The following ZFAND3 variants were observed in gnomAD, a reference collection of about 807,000 sequenced individuals.
ZFAND3 encodes the protein AN1-type zinc finger protein 3.
A neutral mutation model predicts 29.6 loss-of-function variants in ZFAND3; 10 were observed. The observed-to-expected ratio is 0.34, with a 90% CI of 0.21 to 0.57. The LOEUF is 0.57. Among genes scored for constraint, ZFAND3 ranks in the 20% least tolerant of loss-of-function variants. The pLI, the probability that ZFAND3 is intolerant of heterozygous loss-of-function variation, is 0.86. For missense variants in ZFAND3, 230 were observed against 304.5 expected (o/e 0.76, Z 1.82); for synonymous variants, 128 against 112.6 (o/e 1.14, Z -0.87).
chr6:38,041,323 A>G (rs1383961169), intron 2 of ZFAND3, among the ~76,000 whole-genome samples: 1 of 152,086 alleles, frequency 6.6e-6, no homozygotes, highest in Non-Finnish European at 1.5e-5. Context: ...GACTATATAA[A>G]TGTCCTTTTC....
At chr6:37,977,828 T>TTTTCTTCCTTTC (rs70981515) in intron 2 of ZFAND3, among the ~76,000 whole-genome samples, 1 of 76,420 alleles carries the variant, frequency 1.3e-5, no homozygotes. Context: ...GTAAAATGCT[T>TTTTCTTCCTTTC]TTCCTTCCTT....
chr6:37,825,531 T>A (rs911054307), intron 1 of ZFAND3, among the ~76,000 whole-genome samples: 3 of 152,140 alleles, frequency 2.0e-5, no homozygotes, highest in Non-Finnish European at 4.4e-5. Context: ...TTTTTTTTTT[T>A]AATTTAAAGA....
rs770688825 is a variant in ZFAND3, at chr6:38,003,869, A to G, written c.113-57724A>G. ...CCTTCTGCCTTCAGGGAACCCCTCA[A>G]TCACTGCTTATTACTGTGAGTTTGC... On this transcript the variant is annotated intron_variant, in intron 2 of 5. Coordinates refer to ENST00000287218, the MANE Select transcript of ZFAND3 (RefSeq NM_021943.3). The G allele has an allele frequency of 2.4e-4, 104 of 433,710 alleles. 1 individual carries two copies. Among genetic ancestry groups the G allele is most frequent in the Non-Finnish European group, 4.2e-4 (91 of 216,624 alleles). 26.9% of individuals were successfully genotyped at this position (433,710 alleles called of 1,614,324 possible).
chr6:38,071,127 GAA>G (rs1338241326), intron 3 of ZFAND3, among the ~76,000 whole-genome samples: 4 of 151,170 alleles, frequency 2.6e-5, no homozygotes, highest in African/African-American at 9.7e-5. Context: ...TGTAAAAAAA[GAA>G]TTCTAGATAA....
chr6:38,075,916 T>C (rs1217896261), intron 3 of ZFAND3, among the ~76,000 whole-genome samples: 1 of 152,140 alleles, frequency 6.6e-6, no homozygotes, highest in African/African-American at 2.4e-5. Context: ...CACACCCAAC[T>C]AATTTTTTTG....
intron 3 of ZFAND3, among the ~76,000 whole-genome samples, chr6:38,080,174 G>A (rs1392822130): frequency 2.0e-5 from 3 of 151,962 alleles, no homozygotes; most frequent in Non-Finnish European, 4.4e-5. Flanking sequence ...GGGTCTAGGG[G>A]AGGGATAGCA....
chr6:38,133,968 A>G (rs1765792939), intron 5 of ZFAND3, among the ~76,000 whole-genome samples: 1 of 152,164 alleles, frequency 6.6e-6, no homozygotes, highest in African/African-American at 2.4e-5. Flanking sequence ...CCATATTTTC[A>G]ACCATACAGA....
chr6:38,070,000 G>A (rs1195183922), intron 3 of ZFAND3, among the ~76,000 whole-genome samples: 1 of 152,144 alleles, frequency 6.6e-6, no homozygotes, highest in Non-Finnish European at 1.5e-5. Flanking sequence ...AGATAGAATA[G>A]AACATGAAAA....
At chr6:38,112,297 AAG>A (rs1311032761) in intron 4 of ZFAND3, among the ~76,000 whole-genome samples, 2 of 152,188 alleles carry the variant, frequency 1.3e-5, no homozygotes, top group Non-Finnish European at 2.9e-5. Flanking sequence ...ACTGGAAAAA[AAG>A]AATCTGCTTT....
chr6:38,124,146 T>C (rs1009805594), intron 5 of ZFAND3, among the ~76,000 whole-genome samples: 3 of 152,198 alleles, frequency 2.0e-5, no homozygotes, highest in African/African-American at 7.2e-5. Context: ...AGAGTGCTGA[T>C]TGGTGTATTT....
intron 2 of ZFAND3, among the ~76,000 whole-genome samples, chr6:37,951,451 C>T (rs988696803): frequency 6.6e-6 from 1 of 152,032 alleles, no homozygotes; most frequent in African/African-American, 2.4e-5. Context: ...AAAATTTAGC[C>T]AGGCATAGTG....
intron 1 of ZFAND3, among the ~76,000 whole-genome samples, chr6:37,911,147 GA>G (rs1765513609): frequency 6.6e-6 from 1 of 152,120 alleles, no homozygotes; most frequent in African/African-American, 2.4e-5. Flanking sequence ...TAATTCCAAT[GA>G]GTAGTATACA....
At chr6:37,861,406 C>T (rs193027669) in intron 1 of ZFAND3, among the ~76,000 whole-genome samples, 37 of 151,814 alleles carry the variant, frequency 2.4e-4, no homozygotes, top group Non-Finnish European at 4.0e-4. Flanking sequence ...TAGACAGGAG[C>T]GGGGAGGAAA....
intron 2 of ZFAND3, among the ~76,000 whole-genome samples, chr6:37,950,900 A>G (rs1337044877): frequency 1.3e-5 from 2 of 152,278 alleles, no homozygotes; most frequent in South Asian, 2.1e-4. Context: ...TTCTAATTCT[A>G]TGAAAAATGT....
intron 1 of ZFAND3, among the ~76,000 whole-genome samples, chr6:37,862,078 T>C (rs1419593169): frequency 2.0e-5 from 3 of 152,108 alleles, no homozygotes; most frequent in Non-Finnish European, 4.4e-5. Flanking sequence ...TAAGAAAATT[T>C]TATTTTTTAA....
Position 38,009,698 on chromosome 6 carries a change from AT to A in ZFAND3, c.113-51894del, listed in dbSNP as rs753329327. On this transcript the variant is annotated intron_variant, in intron 2 of 5. Coordinates refer to ENST00000287218, the MANE Select transcript of ZFAND3 (RefSeq NM_021943.3). Reference sequence around the variant, plus strand: ...TGGGCCAGATTAGGTCTCCTCCTTCATCTTAAACTCCAATAGAAATACAGAA... The same window carrying A: ...TGGGCCAGATTAGGTCTCCTCCTTCACTTAAACTCCAATAGAAATACAGAA... Among the ~76,000 whole-genome samples, 26 of 152,336 alleles carry A rather than the reference AT, an allele frequency of 1.7e-4. No individual in the cohort carries two copies. The Middle Eastern group carries it at 0.01, about 60-fold the overall frequency.
chr6:38,101,016 T>G (rs1274835331), intron 4 of ZFAND3, among the ~76,000 whole-genome samples: 1 of 152,204 alleles, frequency 6.6e-6, no homozygotes, highest in African/African-American at 2.4e-5. Context: ...TTGTCAAAAT[T>G]GCGAACTTAA....
At chr6:37,877,858 C>T (rs1022734652) in intron 1 of ZFAND3, among the ~76,000 whole-genome samples, 6 of 152,130 alleles carry the variant, frequency 3.9e-5, no homozygotes, top group Non-Finnish European at 5.9e-5. Flanking sequence ...GCTAAGAAGT[C>T]CGAGTTTTAT....
At chr6:37,828,225 G>A (rs1436414307) in intron 1 of ZFAND3, among the ~76,000 whole-genome samples, 3 of 152,050 alleles carry the variant, frequency 2.0e-5, no homozygotes, top group South Asian at 2.1e-4. Flanking sequence ...CCAGGCACTT[G>A]GTTTTATTCA....
Sources: gnomAD v4.1 joint callset for allele counts (sites outside exome capture counted in the v4.1 genomes callset) on GRCh38, gnomAD v4.1.1 for gene constraint, MANE v1.5 for transcripts, NCBI Gene and HGNC (gene_info 2026-07-23, HGNC 2026-07-21) for gene names.